Variants in GABRB1 observed in about 807,000 individuals in gnomAD.
GABRB1 encodes gamma-aminobutyric acid type A receptor subunit beta1, also known as gamma-aminobutyric acid receptor subunit beta-1.
A neutral mutation model predicts 51.6 loss-of-function variants in GABRB1; 17 were observed. The observed-to-expected ratio is 0.33, with a 90% CI of 0.23 to 0.49. The LOEUF is 0.49. Ranked by LOEUF, GABRB1 falls within the 20% of genes least tolerant of loss-of-function variation. GABRB1 has a pLI of 0.99. For missense variants in GABRB1, 410 were observed against 600.6 expected (o/e 0.68, Z 3.32); for synonymous variants, 247 against 218.9 (o/e 1.13, Z -1.14).
intron 3 of GABRB1, among the ~76,000 whole-genome samples, chr4:47,117,598 A>G (rs1715560722): frequency 6.6e-6 from 1 of 152,270 alleles, no homozygotes; most frequent in African/African-American, 2.4e-5. Flanking sequence ...ACCACTTAAT[A>G]GAACTAACAC....
chr4:47,342,541 A>C (rs781085822), intron 5 of GABRB1, among the ~76,000 whole-genome samples: 7 of 152,218 alleles, frequency 4.6e-5, no homozygotes, highest in Non-Finnish European at 7.3e-5. Flanking sequence ...CCTCAGCTTT[A>C]TCACTTAGTT....
At chr4:47,263,449 A>T (rs912225654) in intron 4 of GABRB1, among the ~76,000 whole-genome samples, 1 of 152,164 alleles carries the variant, frequency 6.6e-6, no homozygotes, top group Non-Finnish European at 1.5e-5. Flanking sequence ...TGGAAAGTGC[A>T]GAGACCAAGT....
At chr4:47,119,804 G>C (rs1354272416) in intron 3 of GABRB1, among the ~76,000 whole-genome samples, 4 of 151,844 alleles carry the variant, frequency 2.6e-5, no homozygotes, top group African/African-American at 9.7e-5. Flanking sequence ...CCACTGGGCA[G>C]AACATTTTTA....
rs1728185825 is a variant in GABRB1 at position 47,396,545 on chromosome 4, AT to A, written c.545-6770del. 2.0e-5 allele frequency among the ~76,000 whole-genome samples: 3 copies of A among 152,182 alleles called. No homozygotes were observed. In the South Asian group the frequency reaches 6.2e-4, roughly 31 times the overall value. On this transcript the variant is annotated intron_variant, in intron 5 of 8. Coordinates refer to ENST00000295454, the MANE Select transcript of GABRB1 (RefSeq NM_000812.4). ...AATTTCTAGAAGGAAATTTCTAGAAATTTCTTTAATGATTAATTTCTAGAAA... is the reference window on the plus strand; with the variant it reads ...AATTTCTAGAAGGAAATTTCTAGAAATTCTTTAATGATTAATTTCTAGAAA...
chr4:47,279,904 G>A (rs1438923900), intron 4 of GABRB1, among the ~76,000 whole-genome samples: 3 of 150,992 alleles, frequency 2.0e-5, no homozygotes, highest in Non-Finnish European at 4.4e-5. Context: ...GTTTCTGTAG[G>A]CAGCGTATAT....
At chr4:47,368,285 C>A (rs1045580077) in intron 5 of GABRB1, among the ~76,000 whole-genome samples, 2 of 152,160 alleles carry the variant, frequency 1.3e-5, no homozygotes, top group African/African-American at 4.8e-5. Context: ...CTGGCCACGT[C>A]CCTAGTTGGT....
intron 4 of GABRB1, among the ~76,000 whole-genome samples, chr4:47,318,446 TCAACAA>T (rs926824864): frequency 6.6e-6 from 1 of 151,942 alleles, no homozygotes; most frequent in Non-Finnish European, 1.5e-5. Context: ...ATCATCATCA[TCAACAA>T]CAACAACAAA....
At chr4:47,425,602 A>G (rs1729254569) in intron 8 of GABRB1, 72 bp from the exon 9 acceptor site, 2 of 1,166,394 alleles carry the variant, frequency 1.7e-6, no homozygotes, top group Admixed American at 2.2e-5. Context: ...ATGGGGTATC[A>G]TTAGTAACAG....
chr4:47,292,317 G>C (rs942302797), intron 4 of GABRB1, among the ~76,000 whole-genome samples: 2 of 152,216 alleles, frequency 1.3e-5, no homozygotes, highest in African/African-American at 4.8e-5. Flanking sequence ...TCTTTCTTTT[G>C]TAAATTGCCC....
Position 47,353,417 on chromosome 4 carries a change from C to A in GABRB1, c.544+33208C>A, listed in dbSNP as rs538260166. Among the ~76,000 whole-genome samples the A allele has an allele frequency of 1.1e-4, 17 of 152,324 alleles. 1 individual carries two copies. The highest frequency in any genetic ancestry group is 3.4e-3 in the Middle Eastern group (1 of 294). ...AAGTTCATAACTTGATTATTGCTAA[C>A]TTATTGTTAAGGTAAATCAAGGATC... On this transcript the variant is annotated intron_variant, in intron 5 of 8. Coordinates refer to ENST00000295454, the MANE Select transcript of GABRB1 (RefSeq NM_000812.4).
intron 4 of GABRB1, among the ~76,000 whole-genome samples, chr4:47,297,725 A>T (rs1724061671): frequency 6.6e-6 from 1 of 152,212 alleles, no homozygotes; most frequent in Non-Finnish European, 1.5e-5. Context: ...TCCAATCAAT[A>T]GAAAAAGAGG....
intron 3 of GABRB1, among the ~76,000 whole-genome samples, chr4:47,037,552 T>TG (rs1266794875): frequency 3.7e-4 from 7 of 19,044 alleles, no homozygotes; most frequent in Admixed American, 1.1e-3. Flanking sequence ...TTGTTGTTGT[T>TG]TTTTGTTTTT....
intron 3 of GABRB1, among the ~76,000 whole-genome samples, chr4:47,064,936 G>A (rs536245896): frequency 2.0e-5 from 3 of 152,288 alleles, no homozygotes; most frequent in African/African-American, 4.8e-5. Context: ...TGAGAACAGA[G>A]AGGTCTCATT....
intron 4 of GABRB1, among the ~76,000 whole-genome samples, chr4:47,175,709 G>T (rs769382985): frequency 2.0e-5 from 3 of 152,242 alleles, no homozygotes; most frequent in African/African-American, 4.8e-5. Flanking sequence ...AAATATGTGT[G>T]CAGTATTATG....
chr4:47,382,972 TAATGTGCC>T (rs1727646447), intron 5 of GABRB1, among the ~76,000 whole-genome samples: 1 of 152,302 alleles, frequency 6.6e-6, no homozygotes, highest in African/African-American at 2.4e-5. Context: ...ACACAGACAT[TAATGTGCC>T]CAACATGCCT....
Position 47,370,607 on chromosome 4 carries a change from ATACTTCTGGCCT to A in GABRB1, c.545-32708_545-32697del, listed in dbSNP as rs548872710. 4.6e-4 allele frequency among the ~76,000 whole-genome samples: 70 copies of A among 152,330 alleles called. 2 individuals carry two copies. The highest frequency in any genetic ancestry group is 1.6e-3 in the African/African-American group (66 of 41,574). On this transcript the variant is annotated intron_variant, in intron 5 of 8. Transcript: ENST00000295454. Reference sequence around the variant, plus strand: ...GGGTTTATGATGAAAAAACTTTACAATACTTCTGGCCTTAGGGTTTCTGTGTAATTGCTATGA... The same window carrying A: ...GGGTTTATGATGAAAAAACTTTACAATAGGGTTTCTGTGTAATTGCTATGA...
At chr4:47,027,241 C>T (rs923232357), upstream of GABRB1, among the ~76,000 whole-genome samples, 1 of 151,384 alleles carries the variant, frequency 6.6e-6, no homozygotes, top group Non-Finnish European at 1.5e-5. Context: ...CTTATTATCA[C>T]CACAATTTAT....
At chr4:47,036,256 GT>G (rs556377704) in intron 3 of GABRB1, among the ~76,000 whole-genome samples, 8 of 152,166 alleles carry the variant, frequency 5.3e-5, no homozygotes, top group Non-Finnish European at 1.0e-4. Context: ...TTCTGTTGTT[GT>G]GGTTATTTTA....
intron 3 of GABRB1, among the ~76,000 whole-genome samples, chr4:47,154,411 T>C (rs189430887): frequency 6.6e-6 from 1 of 152,224 alleles, no homozygotes; most frequent in Admixed American, 6.6e-5. Flanking sequence ...TCTTCCTTGC[T>C]GTCTTGGTTA....
Sources: gnomAD v4.1 joint callset for allele counts (sites outside exome capture counted in the v4.1 genomes callset) on GRCh38, gnomAD v4.1.1 for gene constraint, MANE v1.5 for transcripts, NCBI Gene and HGNC (gene_info 2026-07-23, HGNC 2026-07-21) for gene names.